Variants in YY1AP1 observed in about 807,000 individuals in gnomAD.
YY1AP1 encodes the protein YY1 associated protein 1.
A neutral mutation model predicts 39.9 loss-of-function variants in YY1AP1; 43 were observed. The ratio of observed to expected loss-of-function variants is 1.08; its 90% CI spans 0.84 to 1.39. YY1AP1 has a LOEUF of 1.39. YY1AP1 is among the 40% of genes most tolerant of loss of function. YY1AP1 has a pLI of 0.00. For missense variants in YY1AP1, 813 were observed against 900.7 expected (o/e 0.90, Z 1.25); for synonymous variants, 292 against 331.3 (o/e 0.88, Z 1.29).
At chr1:155,674,361 C>G (rs1650324833) in intron 6 of YY1AP1, among the ~76,000 whole-genome samples, 1 of 152,044 alleles carries the variant, frequency 6.6e-6, no homozygotes, top group African/African-American at 2.4e-5. Context: ...GTTGCCCAGG[C>G]TGTTCTTGAC....
rs1004855442 is a variant in YY1AP1 at position 155,673,957 on chromosome 1, C to G, written c.411+1053G>C. 2.6e-4 allele frequency among the ~76,000 whole-genome samples: 40 copies of G among 151,794 alleles called. 1 individual carries two copies. Among genetic ancestry groups the G allele is most frequent in the South Asian group, 2.1e-4 (1 of 4,812 alleles). On this transcript the variant is annotated intron_variant, in intron 6 of 10. Coordinates refer to ENST00000355499, the MANE Select transcript of YY1AP1 (RefSeq NM_139119.3). ...TGGGCGGATCACGAGGTCAGGAGATCGAGACCATCCCGGCTAAAACGGTGA... is the reference window on the plus strand; with the variant it reads ...TGGGCGGATCACGAGGTCAGGAGATGGAGACCATCCCGGCTAAAACGGTGA...
chr1:155,683,669 C>A (rs1651826439), intron 2 of YY1AP1, among the ~76,000 whole-genome samples: 1 of 151,316 alleles, frequency 6.6e-6, no homozygotes, highest in Non-Finnish European at 1.5e-5. Flanking sequence ...AAAAACAAAA[C>A]AAAACAAAAA....
At chr1:155,678,461 A>G (rs1379648192) in intron 4 of YY1AP1, among the ~76,000 whole-genome samples, 1 of 152,350 alleles carries the variant, frequency 6.6e-6, no homozygotes, top group East Asian at 1.9e-4. Flanking sequence ...TTTATTAATC[A>G]GATCCTATTA....
chr1:155,668,889 G>GTAA, intron 8 of YY1AP1, 112 bp from the exon 9 acceptor site: 1 of 1,509,150 alleles, frequency 6.6e-7, no homozygotes, highest in Non-Finnish European at 9.1e-7. Flanking sequence ...CTTAAAACAA[G>GTAA]GTCTCACTCT....
At chr1:155,688,982 C>G (rs1653231343), upstream of YY1AP1, 1 of 1,606,824 alleles carries the variant, frequency 6.2e-7, no homozygotes, top group Non-Finnish European at 8.5e-7. Flanking sequence ...TCCATGGGAC[C>G]GCGGCGAGGG....
At chr1:155,672,825 T>A (rs1055744215) in intron 6 of YY1AP1, 94 bp from the exon 7 acceptor site, 5 of 1,562,770 alleles carry the variant, frequency 3.2e-6, no homozygotes, top group Non-Finnish European at 4.4e-6. Context: ...ACCTTCCTAC[T>A]ACAGGATAAA....
chr1:155,660,503 C>G lies in YY1AP1; in HGVS notation c.1407G>C (p.Leu469=). ...VLQTVPGVPP[L]GVSGGESFES... ...CAAAACTCTCACCTCCACTGACCCC[C>G]AGTGGAGGGACACCTGGAACTGTCT... The change falls in exon 11 of 11, where the codon CTG becomes CTC. Residue 469 remains leucine (L), a synonymous_variant. Coordinates refer to ENST00000355499, the MANE Select transcript of YY1AP1 (RefSeq NM_139119.3). The G allele has an allele frequency of 6.2e-7, 1 of 1,614,150 alleles. No individual in the cohort carries two copies. The highest frequency in any genetic ancestry group is 8.5e-7 in the Non-Finnish European group (1 of 1,180,016).
At chr1:155,665,242 A>AC (rs992277951) in intron 9 of YY1AP1, among the ~76,000 whole-genome samples, 53 of 150,632 alleles carry the variant, frequency 3.5e-4, no homozygotes, top group South Asian at 8.4e-4. Context: ...AAAAACTGAG[A>AC]CCCCCCCACC....
intron 9 of YY1AP1, among the ~76,000 whole-genome samples, chr1:155,661,963 A>G (rs990194361): frequency 6.6e-6 from 1 of 152,154 alleles, no homozygotes; most frequent in African/African-American, 2.4e-5. Context: ...GCCCTATTCA[A>G]TATTTTCTAA....
chr1:155,667,641 T>C (rs1189857022), intron 9 of YY1AP1, among the ~76,000 whole-genome samples: 1 of 152,002 alleles, frequency 6.6e-6, no homozygotes, highest in African/African-American at 2.4e-5. Flanking sequence ...CTGGCCAACA[T>C]GGTGAAACCC....
At chr1:155,686,345 C>T (rs1261642923) in intron 2 of YY1AP1, among the ~76,000 whole-genome samples, 3 of 151,984 alleles carry the variant, frequency 2.0e-5, no homozygotes, top group Admixed American at 6.6e-5. Context: ...TGTGAGCCAC[C>T]GCGCCCTGCC....
chr1:155,676,532 C>G lies in YY1AP1; in HGVS notation c.324+16G>C. The G allele has an allele frequency of 1.9e-6, 3 of 1,613,888 alleles. No homozygotes were observed. The highest frequency in any genetic ancestry group is 1.7e-6 in the Non-Finnish European group (2 of 1,179,850). ...TTGGTATAATTCAATATTAATATGA[C>G]CAAGGAAAGTGTTACCTGCTGCATC... On this transcript the variant is annotated intron_variant, in intron 5 of 10. Coordinates refer to ENST00000355499, the MANE Select transcript of YY1AP1 (RefSeq NM_139119.3).
intron 5 of YY1AP1, among the ~76,000 whole-genome samples, chr1:155,675,765 A>G (rs1044896021): frequency 6.6e-6 from 1 of 152,150 alleles, no homozygotes; most frequent in East Asian, 1.9e-4. Context: ...GCCACCAGAG[A>G]GTCATTAACT....
chr1:155,666,459 A>C (rs1373233410), intron 9 of YY1AP1, among the ~76,000 whole-genome samples: 1 of 152,196 alleles, frequency 6.6e-6, no homozygotes, highest in Non-Finnish European at 1.5e-5. Context: ...CCCTGAATAC[A>C]ATCTAACCAA....
chr1:155,681,898 T>C (rs745833684), intron 2 of YY1AP1, among the ~76,000 whole-genome samples: 3 of 151,190 alleles, frequency 2.0e-5, no homozygotes, highest in African/African-American at 4.9e-5. Context: ...TTGCCCAGGC[T>C]GGTCTTGAAC....
At chr1:155,681,503 TC>T (rs1651510318) in intron 2 of YY1AP1, among the ~76,000 whole-genome samples, 2 of 152,186 alleles carry the variant, frequency 1.3e-5, no homozygotes, top group Admixed American at 1.3e-4. Context: ...TGAGAGAATC[TC>T]TTTGAGTCCA....
chr1:155,662,553 A>G (rs1368955538), intron 9 of YY1AP1, among the ~76,000 whole-genome samples: 1 of 151,988 alleles, frequency 6.6e-6, no homozygotes, highest in Non-Finnish European at 1.5e-5. Context: ...GACAATAAGC[A>G]TCTGTTCATC....
At chr1:155,664,953 G>C (rs1558301573) in intron 9 of YY1AP1, among the ~76,000 whole-genome samples, 1 of 151,694 alleles carries the variant, frequency 6.6e-6, no homozygotes, top group Non-Finnish European at 1.5e-5. Context: ...TGTACTTTTA[G>C]TAGAGACGGG....
At chr1:155,679,709 T>C (rs982962062) in intron 3 of YY1AP1, 197 bp from the exon 4 acceptor site, 67 of 985,302 alleles carry the variant, frequency 6.8e-5, no homozygotes, top group Non-Finnish European at 7.2e-5. Flanking sequence ...AGGAAAGAAG[T>C]TGCTCAACCA....
Sources: allele counts gnomAD v4.1 joint callset (sites outside exome capture counted in the v4.1 genomes callset), GRCh38; gene constraint gnomAD v4.1.1; transcripts MANE v1.5; gene names NCBI Gene and HGNC (gene_info 2026-07-23, HGNC 2026-07-21).